ENPP2: variants seen among roughly 807,000 people sequenced by gnomAD.
The protein encoded by ENPP2 is autotaxin.
ENPP2 carries 51 observed loss-of-function variants against 120.2 expected under a neutral mutation model. That is an observed-to-expected ratio of 0.42 (90% confidence interval 0.34 to 0.54). ENPP2 has a LOEUF of 0.54. Ranked by LOEUF, ENPP2 falls within the 20% of genes least tolerant of loss-of-function variation. The probability of loss-of-function intolerance (pLI) is 0.04; values close to 1 mark genes in which losing one functional copy is unlikely to be tolerated. For missense variants in ENPP2, 920 were observed against 1,066.5 expected (o/e 0.86, Z 1.91); for synonymous variants, 365 against 366.4 (o/e 1.00, Z 0.04).
At chr8:119,638,707 G>T in intron 1 of ENPP2, 41 bp downstream of exon 1, 1 of 1,252,332 alleles carries the variant, frequency 8.0e-7, no homozygotes, top group Non-Finnish European at 1.2e-6. Flanking sequence ...CACTGATTCT[G>T]AAGATCAAGC....
intron 19 of ENPP2, chr8:119,571,977 G>A (rs142963573): frequency 1.2e-4 from 61 of 517,732 alleles, no homozygotes; most frequent in African/African-American, 1.0e-3. Flanking sequence ...TGGGTAGTTC[G>A]GCTGCTCCAG....
intron 8 of ENPP2, among the ~76,000 whole-genome samples, chr8:119,612,091 G>A (rs1287589528): frequency 1.3e-5 from 2 of 152,044 alleles, no homozygotes; most frequent in Non-Finnish European, 2.9e-5. Flanking sequence ...AAAGCCCAAA[G>A]GACAGTCACT....
At chr8:119,616,647 A>T (rs1395193087) in intron 7 of ENPP2, among the ~76,000 whole-genome samples, 4 of 152,176 alleles carry the variant, frequency 2.6e-5, no homozygotes, top group Admixed American at 2.0e-4. Flanking sequence ...ATTTAAGAAG[A>T]TGACAATAAT....
chr8:119,639,742 G>C (rs1370941876), upstream of ENPP2, among the ~76,000 whole-genome samples: 1 of 152,152 alleles, frequency 6.6e-6, no homozygotes, highest in Non-Finnish European at 1.5e-5. Flanking sequence ...TGTTTCCCTA[G>C]TTATTTCTTG....
At chr8:119,596,060 T>C (rs916224260) in intron 11 of ENPP2, 2 of 1,523,704 alleles carry the variant, frequency 1.3e-6, no homozygotes, top group Non-Finnish European at 1.8e-6. Flanking sequence ...CTGAGTCAGA[T>C]ATAAAGCTTA....
chr8:119,566,191 G>C (rs997190944), intron 22 of ENPP2, among the ~76,000 whole-genome samples: 1 of 152,140 alleles, frequency 6.6e-6, no homozygotes, highest in Non-Finnish European at 1.5e-5. Context: ...TTATCCTCCT[G>C]CTTCTAATTT....
At chr8:119,668,266 G>A (rs1476895507) in intron 1 of ENPP2, among the ~76,000 whole-genome samples, 3 of 151,864 alleles carry the variant, frequency 2.0e-5, no homozygotes, top group Non-Finnish European at 2.9e-5. Flanking sequence ...CACATATTAG[G>A]TGCTCAAATA....
intron 1 of ENPP2, among the ~76,000 whole-genome samples, chr8:119,654,132 A>T (rs950353111): frequency 1.1e-4 from 16 of 143,290 alleles, no homozygotes; most frequent in African/African-American, 3.8e-4. Context: ...AATATTATAT[A>T]CAGAGATATA....
intron 11 of ENPP2, chr8:119,595,891 T>G: frequency 6.2e-7 from 1 of 1,614,066 alleles, no homozygotes; most frequent in Non-Finnish European, 8.5e-7. Flanking sequence ...ATCCTATGTA[T>G]TTTTCTTCTT....
chr8:119,636,221 C>T (rs1816990283), intron 2 of ENPP2, among the ~76,000 whole-genome samples: 1 of 152,204 alleles, frequency 6.6e-6, no homozygotes, highest in Admixed American at 6.5e-5. Context: ...AATAACCAGT[C>T]ACATGTGTCA....
chr8:119,625,554 T>A (rs143470267), intron 3 of ENPP2, among the ~76,000 whole-genome samples: 2 of 152,090 alleles, frequency 1.3e-5, no homozygotes, highest in African/African-American at 4.8e-5. Flanking sequence ...ATAGTAAGAG[T>A]TAGGTCTTTG....
intron 20 of ENPP2, among the ~76,000 whole-genome samples, chr8:119,569,825 C>T (rs910971177): frequency 2.0e-5 from 3 of 150,778 alleles, no homozygotes; most frequent in Non-Finnish European, 4.4e-5. Flanking sequence ...TCAAAATAAA[C>T]TGTATTTGGG....
At chr8:119,632,096 GA>G (rs1408391118) in intron 2 of ENPP2, among the ~76,000 whole-genome samples, 3 of 152,290 alleles carry the variant, frequency 2.0e-5, no homozygotes. Context: ...GTCAAATAGG[GA>G]AAGATTATCC....
intron 15 of ENPP2, among the ~76,000 whole-genome samples, chr8:119,584,268 T>C (rs531373784): frequency 4.6e-5 from 7 of 152,310 alleles, no homozygotes; most frequent in African/African-American, 1.7e-4. Flanking sequence ...ACCTGTGAAC[T>C]GAAGTCACGA....
intron 20 of ENPP2, 108 bp from the exon 21 acceptor site, chr8:119,569,478 C>T: frequency 1.0e-6 from 1 of 1,004,970 alleles, no homozygotes; most frequent in Non-Finnish European, 1.4e-6. Flanking sequence ...GATAGTCTGA[C>T]TCCTTTTTTA....
intron 9 of ENPP2, among the ~76,000 whole-genome samples, chr8:119,606,801 T>C (rs1814749463): frequency 6.6e-6 from 1 of 151,054 alleles, no homozygotes; most frequent in Non-Finnish European, 1.5e-5. Flanking sequence ...TATTATAGAA[T>C]AGTCAGATTT....
chr8:119,635,311 G>T (rs1298852702), intron 2 of ENPP2, among the ~76,000 whole-genome samples: 1 of 152,202 alleles, frequency 6.6e-6, no homozygotes, highest in Non-Finnish European at 1.5e-5. Flanking sequence ...AAACAATGAT[G>T]AATTAAACTG....
At chr8:119,571,906 C>A in intron 19 of ENPP2, 1 of 319,576 alleles carries the variant, frequency 3.1e-6, no homozygotes. Context: ...GCAAGACCCT[C>A]CCAGATAGAA....
At chr8:119,670,335 T>C (rs948399824) in intron 1 of ENPP2, among the ~76,000 whole-genome samples, 1 of 152,250 alleles carries the variant, frequency 6.6e-6, no homozygotes, top group African/African-American at 2.4e-5. Flanking sequence ...CTGATAATCA[T>C]GCTTAACCTT....
Sources: allele counts gnomAD v4.1 joint callset (sites outside exome capture counted in the v4.1 genomes callset), GRCh38; gene constraint gnomAD v4.1.1; transcripts MANE v1.5; gene names NCBI Gene and HGNC (gene_info 2026-07-23, HGNC 2026-07-21).